The following NRXN3 variants were observed in gnomAD, a reference collection of about 807,000 sequenced individuals.
The protein encoded by NRXN3 is neurexin 3.
NRXN3 carries 32 observed loss-of-function variants against 137.6 expected under a neutral mutation model. The ratio of observed to expected loss-of-function variants is 0.23; its 90% CI spans 0.18 to 0.31. NRXN3 has a LOEUF of 0.31. Among genes scored for constraint, NRXN3 ranks in the 10% least tolerant of loss-of-function variants. The probability of loss-of-function intolerance (pLI) is 1.00; values close to 1 mark genes in which losing one functional copy is unlikely to be tolerated. For missense variants in NRXN3, 1,574 were observed against 2,062.5 expected, an observed-to-expected ratio of 0.76 and a Z score of 4.59; for synonymous variants, 798 against 784.5, an observed-to-expected ratio of 1.02 and a Z score of -0.29.
intron 16 of NRXN3, among the ~76,000 whole-genome samples, chr14:79,569,483 C>T (rs577859406): frequency 1.3e-5 from 2 of 152,208 alleles, no homozygotes; most frequent in East Asian, 3.9e-4. Flanking sequence ...TATGCAGGCT[C>T]TGGGCTTAAG....
intron 11 of NRXN3, among the ~76,000 whole-genome samples, chr14:78,961,195 A>G (rs1404289542): frequency 6.6e-6 from 1 of 152,010 alleles, no homozygotes; most frequent in East Asian, 1.9e-4. Context: ...CGTTTTCTTA[A>G]CTTCTCTCCC....
intron 16 of NRXN3, among the ~76,000 whole-genome samples, chr14:79,512,863 A>G (rs902668128): frequency 2.0e-5 from 3 of 152,244 alleles, no homozygotes; most frequent in Non-Finnish European, 4.4e-5. Context: ...TCTGTATGGC[A>G]TAACACCTAT....
chr14:78,765,149 C>G (rs1035454832), intron 8 of NRXN3, among the ~76,000 whole-genome samples: 1 of 151,926 alleles, frequency 6.6e-6, no homozygotes, highest in Non-Finnish European at 1.5e-5. Context: ...TGCCTGGTGT[C>G]CTTTTTTTGT....
In NRXN3 at chr14:79,170,037, A is replaced by G. The variant is rs146245086; in HGVS notation, c.3262+181896A>G. Among the ~76,000 whole-genome samples the G allele has an allele frequency of 8.1e-4, 123 of 152,280 alleles. 1 individual carries two copies. Among genetic ancestry groups the G allele is most frequent in the African/African-American group, 2.8e-3 (118 of 41,562 alleles). Reference sequence around the variant, plus strand: ...GCAAAATTGTAAGTTCTCCGAGAATAGTCTTCCACACTTAGCATATTACTT... The same window carrying G: ...GCAAAATTGTAAGTTCTCCGAGAATGGTCTTCCACACTTAGCATATTACTT... On this transcript the variant is annotated intron_variant, in intron 15 of 20. Coordinates refer to ENST00000335750, the MANE Select transcript of NRXN3 (RefSeq NM_001330195.2).
At chr14:79,299,362 A>G (rs1220995289) in intron 15 of NRXN3, among the ~76,000 whole-genome samples, 1 of 152,080 alleles carries the variant, frequency 6.6e-6, no homozygotes, top group East Asian at 1.9e-4. Flanking sequence ...AGGTTAGCAA[A>G]CTTTTCCTGT....
chr14:79,424,177 A>T (rs929864076), intron 15 of NRXN3, among the ~76,000 whole-genome samples: 2 of 152,234 alleles, frequency 1.3e-5, no homozygotes, highest in African/African-American at 4.8e-5. Context: ...ACACAGACAC[A>T]CATACAGAGA....
chr14:78,499,972 T>C (rs1415522740), intron 4 of NRXN3, among the ~76,000 whole-genome samples: 1 of 152,126 alleles, frequency 6.6e-6, no homozygotes, highest in Non-Finnish European at 1.5e-5. Context: ...ATTCTGTTTG[T>C]TACACACAAG....
At chr14:79,071,318 T>A (rs1457390344) in intron 15 of NRXN3, among the ~76,000 whole-genome samples, 4 of 152,116 alleles carry the variant, frequency 2.6e-5, no homozygotes, top group Admixed American at 6.5e-5. Flanking sequence ...TGTGCCATGG[T>A]GGTTTGCTGC....
intron 16 of NRXN3, among the ~76,000 whole-genome samples, chr14:79,648,985 A>G (rs1383164667): frequency 6.6e-6 from 1 of 152,184 alleles, no homozygotes. Context: ...TAGAGTGGCA[A>G]GCGATGCATC....
intron 2 of NRXN3, among the ~76,000 whole-genome samples, chr14:78,263,072 A>G (rs2071054652): frequency 6.6e-6 from 1 of 152,046 alleles, no homozygotes; most frequent in South Asian, 2.1e-4. Flanking sequence ...TTTATGGGAT[A>G]TGCCCTTTTA....
chr14:78,719,309 A>G (rs898792710), intron 8 of NRXN3, among the ~76,000 whole-genome samples: 1 of 152,220 alleles, frequency 6.6e-6, no homozygotes, highest in Non-Finnish European at 1.5e-5. Flanking sequence ...AAGTATTTTT[A>G]CTTCTCTCCA....
chr14:78,513,459 T>C (rs1055404689), intron 4 of NRXN3, among the ~76,000 whole-genome samples: 1 of 152,154 alleles, frequency 6.6e-6, no homozygotes, highest in African/African-American at 2.4e-5. Context: ...TATTTCACAA[T>C]TGAAATCCTA....
chr14:78,595,820 A>T (rs966786534), intron 4 of NRXN3, among the ~76,000 whole-genome samples: 15 of 152,104 alleles, frequency 9.9e-5, no homozygotes, highest in African/African-American at 3.4e-4. Context: ...GAGGATGAAT[A>T]ACTCATCAAA....
At chr14:78,526,237 T>TGCCAG (rs2096376986) in intron 4 of NRXN3, among the ~76,000 whole-genome samples, 1 of 152,250 alleles carries the variant, frequency 6.6e-6, no homozygotes, top group South Asian at 2.1e-4. Context: ...TCAGAAAGGA[T>TGCCAG]GCCAGGCCAT....
At chr14:78,642,363 C>T (rs1601774843) in intron 4 of NRXN3, among the ~76,000 whole-genome samples, 1 of 152,184 alleles carries the variant, frequency 6.6e-6, no homozygotes, top group Non-Finnish European at 1.5e-5. Context: ...TGACAGACTC[C>T]TTGCTCTAAT....
At chr14:79,192,765 ATTTT>A (rs961910712) in intron 15 of NRXN3, among the ~76,000 whole-genome samples, 9 of 115,298 alleles carry the variant, frequency 7.8e-5, no homozygotes, top group African/African-American at 2.7e-4. Flanking sequence ...AATTCTCTTA[ATTTT>A]TTTTTTTTTT....
chr14:78,915,948 G>A (rs1051205067), intron 10 of NRXN3, among the ~76,000 whole-genome samples: 9 of 152,034 alleles, frequency 5.9e-5, no homozygotes, highest in South Asian at 4.2e-4. Flanking sequence ...AATTCAATAC[G>A]ACTGGTGTCT....
At position 79,782,105 on chromosome 14, in the gene NRXN3, C is replaced by G. The variant is rs1465673776; in HGVS notation, c.4015-23007C>G. ...CTCCATTCCTTGAAAGCACCCTGCA[C>G]TAATGCTCGAAGTATTAAGTGTGTT... On this transcript the variant is annotated intron_variant, in intron 19 of 20. Transcript: ENST00000335750. Among the ~76,000 whole-genome samples the G allele has an allele frequency of 5.3e-5, 8 of 152,156 alleles. 1 individual carries two copies. In the East Asian group the frequency reaches 1.5e-3, roughly 29 times the overall value.
chr14:78,356,432 G>C (rs899292714), intron 4 of NRXN3, among the ~76,000 whole-genome samples: 1 of 152,240 alleles, frequency 6.6e-6, no homozygotes, highest in South Asian at 2.1e-4. Flanking sequence ...ATCCTAGAAA[G>C]GAACAAACTT....
Sources: gnomAD v4.1 joint callset for allele counts (sites outside exome capture counted in the v4.1 genomes callset) on GRCh38, gnomAD v4.1.1 for gene constraint, MANE v1.5 for transcripts, NCBI Gene and HGNC (gene_info 2026-07-23, HGNC 2026-07-21) for gene names.